JAK3: variants seen among roughly 807,000 people sequenced by gnomAD.
The protein encoded by JAK3 is tyrosine-protein kinase JAK3.
JAK3 carries 88 observed loss-of-function variants against 120.8 expected under a neutral mutation model. The ratio of observed to expected loss-of-function variants is 0.73; its 90% confidence interval spans 0.61 to 0.87. The LOEUF (loss-of-function observed/expected upper bound fraction) is 0.87, where lower values mean the gene tolerates loss of function less well. Among genes scored for constraint, JAK3 ranks in the 40% least tolerant of loss-of-function variants. The pLI is 0.00. For synonymous variants in JAK3, 592 were observed against 628.6 expected (o/e 0.94, Z 0.87); for missense variants, 1,254 against 1,501.4 (o/e 0.84, Z 2.72).
In JAK3 at chr19:17,831,162, G is replaced by A; in HGVS notation, c.2978+66C>T. 3 of 1,539,962 alleles carry A rather than the reference G, an allele frequency of 1.9e-6. No individual in the cohort carries two copies. The highest frequency in any genetic ancestry group is 2.0e-4 in the Middle Eastern group (1 of 4,960). Reference sequence around the variant, plus strand: ...GAGCAAAGCAGCGGGAGGGGGCGGGGGCATGGCTGGGGGCGGAGCCAGAGC... The same window carrying A: ...GAGCAAAGCAGCGGGAGGGGGCGGGAGCATGGCTGGGGGCGGAGCCAGAGC... On this transcript the variant is annotated intron_variant, in intron 21 of 23. Transcript: ENST00000458235. This position sits in a 1 kb window ranked among gnomAD's most constrained non-coding sequence, Gnocchi z 5.1.
At chr19:17,846,098 G>C (rs944652170) in intron 1 of JAK3, among the ~76,000 whole-genome samples, 1 of 152,090 alleles carries the variant, frequency 6.6e-6, no homozygotes, top group Non-Finnish European at 1.5e-5. Context: ...GATTACCGGC[G>C]TGAGAAACTG....
chr19:17,832,443 C>A lies in JAK3; in HGVS notation c.2680+76G>T, dbSNP rs1599868056. The A allele has an allele frequency of 6.2e-6, 9 of 1,451,460 alleles. No homozygotes were observed. The East Asian group carries it at 2.0e-4, about 33-fold the overall frequency. The allele number at this position is 1,451,460 out of a possible 1,614,324, so 89.9% of individuals were successfully genotyped here. A position where few individuals can be genotyped will look rare whatever the true frequency, so the allele number is the denominator to read the frequency against. Reference sequence around the variant, plus strand: ...CACGTTCCCAGCCTACCTAAAGTGGCCTGGCAGGAGGGTAAGAATGTGCAC... The same window carrying A: ...CACGTTCCCAGCCTACCTAAAGTGGACTGGCAGGAGGGTAAGAATGTGCAC... On this transcript the variant is annotated intron_variant, in intron 19 of 23. Transcript: ENST00000458235. The surrounding 1 kb of genome is among the most constrained non-coding windows in gnomAD (Gnocchi z 4.7).
At chr19:17,835,258 G>A (rs2147683456) in intron 14 of JAK3, 43 bp from the exon 15 acceptor site, 4 of 1,605,082 alleles carry the variant, frequency 2.5e-6, no homozygotes, top group Non-Finnish European at 3.4e-6. Flanking sequence ...AGGGTTTGAT[G>A]AATGAAGAGT....
chr19:17,829,852 C>G, intron 23 of JAK3: 1 of 588,224 alleles, frequency 1.7e-6, no homozygotes, highest in Non-Finnish European at 3.1e-6. Context: ...CTCATAGGCA[C>G]AGGTGTTCAG....
At position 17,835,689 on chromosome 19, in the gene JAK3, G is replaced by T. The variant is rs182354969; in HGVS notation, c.1914+235C>A. On this transcript the variant is annotated intron_variant, in intron 14 of 23. Coordinates refer to ENST00000458235, the MANE Select transcript of JAK3 (RefSeq NM_000215.4). ...CAACTTTTAAGGCCCTATCTCCAAT[G>T]TTCCTTCTTCTAGGAAGCCTTTCTT... Among the ~76,000 whole-genome samples, 152 of 152,214 alleles carry T rather than the reference G, an allele frequency of 1.0e-3. 1 individual carries two copies. Among genetic ancestry groups the T allele is most frequent in the African/African-American group, 3.6e-3 (151 of 41,516 alleles).
Position 17,833,022 on chromosome 19 carries a change from G to A in JAK3, c.2351-93C>T, listed in dbSNP as rs113729923. On this transcript the variant is annotated intron_variant, in intron 17 of 23. Transcript: ENST00000458235. ...GCTGTGCAACCTCCATCTGCATATTGACCCTCTCTGTGCATTATGGCAGGG... is the reference window on the plus strand; with the variant it reads ...GCTGTGCAACCTCCATCTGCATATTAACCCTCTCTGTGCATTATGGCAGGG... 21 of 1,538,786 alleles carry A rather than the reference G, an allele frequency of 1.4e-5. No individual in the cohort carries two copies. In the African/African-American group the frequency reaches 2.2e-4, roughly 16 times the overall value.
At chr19:17,827,099 C>T (rs964285253) in intron 23 of JAK3, among the ~76,000 whole-genome samples, 189 bp from the exon 24 acceptor site, 1 of 152,006 alleles carries the variant, frequency 6.6e-6, no homozygotes, top group African/African-American at 2.4e-5. Flanking sequence ...CCTGCCTCAG[C>T]CTCCTGAGTA....
At position 17,832,639 on chromosome 19, in the gene JAK3, CG is replaced by C; in HGVS notation, c.2559del (p.Val854Ter). 1 of 1,614,234 alleles carries C rather than the reference CG, an allele frequency of 6.2e-7. No individual in the cohort carries two copies. The highest frequency in any genetic ancestry group is 8.5e-7 in the Non-Finnish European group (1 of 1,180,050). On this transcript the variant is annotated frameshift_variant, in exon 19 of 24. Transcript: ENST00000458235. LOFTEE classifies it high-confidence loss of function. The surrounding 1 kb of genome is among the most constrained non-coding windows in gnomAD (Gnocchi z 4.7). Reference sequence around the variant, plus strand: ...GGCCCGCTGTGCTGCAGCTGTTTCACGGCCACCAGGGCACCTGTATTGTCGC... The same window carrying C: ...GGCCCGCTGTGCTGCAGCTGTTTCACGCCACCAGGGCACCTGTATTGTCGC... ...PLGDNTGALVAVKQLQHSGPD... is the reference protein window; with the variant it reads ...PLGDNTGALVXVKQLQHSGPD...
rs781208496 is a variant in JAK3, at chr19:17,837,116, G to T, written c.1786+13C>A. The T allele has an allele frequency of 1.8e-6, 2 of 1,124,936 alleles. No homozygotes were observed. The highest frequency in any genetic ancestry group is 1.3e-5 in the South Asian group (1 of 76,798). 69.7% of individuals were successfully genotyped at this position (1,124,936 alleles called of 1,614,324 possible). A position where few individuals can be genotyped will look rare whatever the true frequency, so the allele number is the denominator to read the frequency against. ...TGAGGCAGGGGTGGGGTGGGTGGGTGGGGGGCTCTCACTGTCTCCAGCCAT... is the reference window on the plus strand; with the variant it reads ...TGAGGCAGGGGTGGGGTGGGTGGGTTGGGGGCTCTCACTGTCTCCAGCCAT... On this transcript the variant is annotated intron_variant, in intron 13 of 23. Transcript: ENST00000458235.
In JAK3 at chr19:17,840,301, G is replaced by A. The variant is rs777790283; in HGVS notation, c.1183C>T (p.Arg395Cys). The A allele has an allele frequency of 4.3e-6, 7 of 1,613,998 alleles. No individual in the cohort carries two copies. Among genetic ancestry groups the A allele is most frequent in the Non-Finnish European group, 5.1e-6 (6 of 1,179,990 alleles). ...CGGCGGAGAACATAGGAGCCAGGAC[G>A]TGAGCCCCCAGTCTTGAGCTTGTTG... ...AINKLKTGGS[R>C]PGSYVLRRSP... The change falls in exon 9 of 24, where the codon CGT becomes TGT. Residue 395 changes from arginine (R) to cysteine (C), a missense_variant. Around this residue, in one of 3 missense-constraint regions of JAK3, gnomAD observed 486 missense variants for 503.0 expected, o/e 0.97. Transcript: ENST00000458235.
In JAK3 at chr19:17,839,483, G is replaced by T; in HGVS notation, c.1435C>A (p.Pro479Thr). The change falls in exon 10 of 24, where the codon CCC (proline) becomes ACC (threonine). Residue 479 changes from proline to threonine, a missense_variant. Pro to Thr is a conservative substitution (Grantham distance 38). Transcript: ENST00000458235. The stretch of plus-strand genomic sequence containing the variant: ...AGGGGAGGAAGGGGCTCACCTTTGG[G>T]TCTGGGGATACAGCAGGAAGTGAGG... ...VTLTSCCIPR[P>T]KEKSNLIVVQ... The T allele has an allele frequency of 6.3e-7, 1 of 1,581,564 alleles. No homozygotes were observed.
At chr19:17,845,198 C>T (rs539882003) in intron 1 of JAK3, among the ~76,000 whole-genome samples, 4 of 152,154 alleles carry the variant, frequency 2.6e-5, no homozygotes, top group South Asian at 4.1e-4. Context: ...GACAGAGTCT[C>T]GCGCTGTCAC....
intron 9 of JAK3, 71 bp downstream of exon 9, chr19:17,840,159 C>T (rs2094234600): frequency 9.6e-7 from 1 of 1,046,446 alleles, no homozygotes; most frequent in South Asian, 1.3e-5. Flanking sequence ...GCTGACTGAT[C>T]TTTTAAATCT....
At position 17,842,625 on chromosome 19, in the gene JAK3, G is replaced by A. The variant is rs1320638351; in HGVS notation, c.567-15C>T. 1.3e-6 allele frequency: 2 copies of A among 1,552,844 alleles called. No individual in the cohort carries two copies. The highest frequency in any genetic ancestry group is 1.7e-6 in the Non-Finnish European group (2 of 1,146,266). On this transcript the variant is annotated splice_polypyrimidine_tract_variant and intron_variant, in intron 5 of 23. Transcript: ENST00000458235. This position sits in a 1 kb window ranked among gnomAD's most constrained non-coding sequence, Gnocchi z 6.4. ...AGGCCTTGTAGCTGCAGGGGTTGGA[G>A]GGGAGGGAGCCGGCCCTCAGCGTCG...
Position 17,825,900 on chromosome 19 carries a change from C to CAAAAAAAAAAA in JAK3, c.*832_*842dup. 1 of 52,814 alleles carries CAAAAAAAAAAA rather than the reference C, an allele frequency of 1.9e-5. No individual in the cohort carries two copies. Among genetic ancestry groups the CAAAAAAAAAAA allele is most frequent in the Non-Finnish European group, 3.6e-5 (1 of 27,802 alleles). The allele number at this position is 52,814 out of a possible 1,614,324, so 3.3% of individuals were successfully genotyped here. ...TGGGCGACAGAGCGAGACTCCGTCT[C>CAAAAAAAAAAA]AAAAAAAAAAAAAAAAAAAAAGCTA... On this transcript the variant is annotated 3_prime_UTR_variant, in exon 24 of 24. Coordinates refer to ENST00000458235, the MANE Select transcript of JAK3 (RefSeq NM_000215.4).
rs1223885282 is a variant in JAK3 at position 17,830,115 on chromosome 19, G to A, written c.3200C>T (p.Pro1067Leu). ...TAGCCCTGCGGCGCTCACCTCAGCA[G>A]GGCAGGCAGGAGGCGCCGGCAGCCT... ...GQRLPAPPAC[P>L]AEVHELMKLC... Residue 1067 changes from proline to leucine, a missense_variant, in exon 23 of 24, where the codon CCT becomes CTT. Transcript: ENST00000458235. The A allele has an allele frequency of 1.3e-6, 2 of 1,578,522 alleles. No homozygotes were observed. The highest frequency in any genetic ancestry group is 1.2e-5 in the South Asian group (1 of 86,212).
At chr19:17,839,422 A>G (rs756083219) in intron 10 of JAK3, 55 bp downstream of exon 10, 1 of 1,511,676 alleles carries the variant, frequency 6.6e-7, no homozygotes, top group African/African-American at 1.4e-5. Flanking sequence ...TGTCACAGAC[A>G]TAGAAAGCCA....
chr19:17,846,657 T>G (rs2094252823), intron 1 of JAK3, among the ~76,000 whole-genome samples: 1 of 152,212 alleles, frequency 6.6e-6, no homozygotes, highest in Non-Finnish European at 1.5e-5. Context: ...CGATCTTGGC[T>G]CACTGTAGCC....
Position 17,826,295 on chromosome 19 carries a change from G to T in JAK3, c.*448C>A, listed in dbSNP as rs3212802. 42,744 of 190,612 alleles carry T rather than the reference G, an allele frequency of 0.22. 6,423 individuals are homozygous for T. The highest frequency in any genetic ancestry group is 0.45 in the African/African-American group (18,898 of 42,316). 11.8% of individuals were successfully genotyped at this position (190,612 alleles called of 1,614,324 possible). On this transcript the variant is annotated 3_prime_UTR_variant, in exon 24 of 24. Transcript: ENST00000458235. ...AGCTACTCGGGAGGCTGAGGCAGGA[G>T]AATCGCTTGAACCTGGGAAGCAGAG...
Sources: allele counts gnomAD v4.1 joint callset (sites outside exome capture counted in the v4.1 genomes callset), GRCh38; gene constraint gnomAD v4.1.1; regional missense constraint gnomAD v4.1.1; non-coding constraint Gnocchi (gnomAD v3.1); transcripts MANE v1.5; gene names NCBI Gene and HGNC (gene_info 2026-07-23, HGNC 2026-07-21).